Variants in VPS52 observed in about 807,000 individuals in gnomAD.
VPS52 encodes the protein vacuolar protein sorting-associated protein 52 homolog.
A neutral mutation model predicts 98.7 loss-of-function variants in VPS52; 56 were observed. That is an observed-to-expected ratio of 0.57 (90% CI 0.46 to 0.71). The LOEUF (loss-of-function observed/expected upper bound fraction) is 0.71, where lower values mean the gene tolerates loss of function less well. VPS52 is among the 30% of genes least tolerant of loss of function. The pLI is 0.00. For synonymous variants in VPS52, 348 were observed against 346.4 expected, an observed-to-expected ratio of 1.00 and a Z score of -0.05; for missense variants, 742 against 925.9, an observed-to-expected ratio of 0.80 and a Z score of 2.58.
intron 17 of VPS52, among the ~76,000 whole-genome samples, chr6:33,258,494 C>G (rs1261523008): frequency 2.8e-5 from 4 of 145,002 alleles, no homozygotes; most frequent in Admixed American, 2.0e-4. Flanking sequence ...AAGATACATA[C>G]TAAAAGATAA....
chr6:33,263,100 T>TAG (rs1763823188), intron 17 of VPS52, among the ~76,000 whole-genome samples: 1 of 151,172 alleles, frequency 6.6e-6, no homozygotes, highest in African/African-American at 2.4e-5. Flanking sequence ...TAAAATTCAT[T>TAG]CTAAAAATAA....
chr6:33,259,684 A>T (rs1269717706), intron 17 of VPS52, among the ~76,000 whole-genome samples: 1 of 152,162 alleles, frequency 6.6e-6, no homozygotes, highest in Non-Finnish European at 1.5e-5. Flanking sequence ...AACCAGTAAA[A>T]ATAATGCAAG....
At chr6:33,264,543 G>A in intron 13 of VPS52, 46 bp from the exon 14 acceptor site, 1 of 1,611,944 alleles carries the variant, frequency 6.2e-7, no homozygotes, top group South Asian at 1.1e-5. Context: ...AGGAATGTTG[G>A]AGGGGGATGG....
At chr6:33,263,340 A>G (rs1437412317) in intron 17 of VPS52, 144 bp downstream of exon 17, 4 of 677,390 alleles carry the variant, frequency 5.9e-6, no homozygotes, top group Non-Finnish European at 9.9e-6. Context: ...GTGAATCAAG[A>G]GTTACAGTAA....
intron 17 of VPS52, among the ~76,000 whole-genome samples, chr6:33,252,588 C>CAAAA (rs9280379): frequency 3.1e-5 from 3 of 96,158 alleles, no homozygotes; most frequent in Non-Finnish European, 4.2e-5. Context: ...GACTCCGTCT[C>CAAAA]AAAAAAAAAA....
At chr6:33,271,271 C>G in intron 1 of VPS52, 1 of 616,446 alleles carries the variant, frequency 1.6e-6, no homozygotes, top group Non-Finnish European at 2.9e-6. Flanking sequence ...CAAGGGCACA[C>G]AGCGTGTAAG....
intron 12 of VPS52, among the ~76,000 whole-genome samples, chr6:33,265,586 G>C (rs143758239): frequency 6.6e-6 from 1 of 152,182 alleles, no homozygotes; most frequent in African/African-American, 2.4e-5. Flanking sequence ...TGCCCAGGCT[G>C]GTCTCGAACT....
At chr6:33,260,250 A>C (rs1267157670) in intron 17 of VPS52, among the ~76,000 whole-genome samples, 1 of 152,132 alleles carries the variant, frequency 6.6e-6, no homozygotes, top group African/African-American at 2.4e-5. Flanking sequence ...CTACAATGTC[A>C]TGATCATGGC....
chr6:33,271,308 G>A, intron 1 of VPS52: 1 of 639,670 alleles, frequency 1.6e-6, no homozygotes, highest in Non-Finnish European at 2.8e-6. Flanking sequence ...CAGGCAGTCT[G>A]GCTTCAGAGG....
chr6:33,256,357 C>T (rs750858972), intron 17 of VPS52, among the ~76,000 whole-genome samples: 6 of 149,400 alleles, frequency 4.0e-5, no homozygotes, highest in African/African-American at 9.9e-5. Context: ...CCTAGCTACT[C>T]GGGAGGCTGA....
At chr6:33,259,019 A>C (rs1267098344) in intron 17 of VPS52, among the ~76,000 whole-genome samples, 1 of 152,210 alleles carries the variant, frequency 6.6e-6, no homozygotes, top group East Asian at 1.9e-4. Flanking sequence ...AATGAGGTAC[A>C]CTGACACACA....
At position 33,267,424 on chromosome 6, in the gene VPS52, T is replaced by G. The variant is rs1581614197; in HGVS notation, c.992-103A>C. The G allele has an allele frequency of 6.7e-7, 1 of 1,494,694 alleles. No homozygotes were observed. Among genetic ancestry groups the G allele is most frequent in the East Asian group, 2.3e-5 (1 of 43,302 alleles). 92.6% of individuals were successfully genotyped at this position (1,494,694 alleles called of 1,614,324 possible). On this transcript the variant is annotated intron_variant, in intron 10 of 19. Coordinates refer to ENST00000445902, the MANE Select transcript of VPS52 (RefSeq NM_022553.6). This position sits in a 1 kb window ranked among gnomAD's most constrained non-coding sequence, Gnocchi z 4.2. ...CAGGCAGACGTGGCCTAGCCAGCCC[T>G]CTTTCCCAGTACTAGGGCCCCACGT...
At chr6:33,254,820 G>A (rs184996956) in intron 17 of VPS52, 4 of 151,818 alleles carry the variant, frequency 2.6e-5, no homozygotes, top group Admixed American at 2.6e-4. Flanking sequence ...TAACAGGCAT[G>A]TGCCAACATG....
intron 17 of VPS52, among the ~76,000 whole-genome samples, chr6:33,257,041 A>AT (rs112238731): frequency 0.022 from 3,285 of 151,950 alleles, 125 homozygotes; most frequent in African/African-American, 0.074. Context: ...TTTTATTATT[A>AT]TTTTTTGAGA....
chr6:33,267,452 T>A lies in VPS52; in HGVS notation c.992-131A>T. On this transcript the variant is annotated intron_variant, in intron 10 of 19. Coordinates refer to ENST00000445902, the MANE Select transcript of VPS52 (RefSeq NM_022553.6). The surrounding 1 kb of genome is among the most constrained non-coding windows in gnomAD (Gnocchi z 4.2). ...TTCCCAGTACTAGGGCCCCACGTGC[T>A]GACATCTGTGAATGGGCTTCAGGGT... 7.1e-7 allele frequency: 1 copy of A among 1,407,194 alleles called. No homozygotes were observed. Among genetic ancestry groups the A allele is most frequent in the Non-Finnish European group, 9.6e-7 (1 of 1,043,908 alleles). The allele number at this position is 1,407,194 out of a possible 1,614,324, so 87.2% of individuals were successfully genotyped here.
chr6:33,251,642 A>G lies in VPS52; in HGVS notation c.1907-6T>C, dbSNP rs112296803. 3.1e-6 allele frequency: 5 copies of G among 1,606,576 alleles called. No individual in the cohort carries two copies. The South Asian group carries it at 5.5e-5, about 18-fold the overall frequency. On this transcript the variant is annotated splice_region_variant and splice_polypyrimidine_tract_variant and intron_variant, in intron 18 of 19. Transcript: ENST00000445902. ...GATCAGCTGAGTTACCCGGGCTAAT[A>G]GCAGGAGGAAACAGTGTCAGAGAGG...
Position 33,269,746 on chromosome 6 carries a change from T to C in VPS52, c.302A>G (p.Asp101Gly), listed in dbSNP as rs765068876. The change falls in exon 4 of 20, where the codon GAT becomes GGT. Residue 101 changes from aspartate (D) to glycine (G), a missense_variant and splice_region_variant. Transcript: ENST00000445902. ...LQQIEQKSIR[D>G]YIQESENIAS... is the part of the protein sequence containing the mutation. Reference sequence around the variant, plus strand: ...CCCTTCCCTCTGCTGGAGGATACAATCCCGAATGGATTTCTGTTCAATCTG... The same window carrying C: ...CCCTTCCCTCTGCTGGAGGATACAACCCCGAATGGATTTCTGTTCAATCTG... The C allele has an allele frequency of 1.4e-5, 23 of 1,613,562 alleles. No individual in the cohort carries two copies. Among genetic ancestry groups the C allele is most frequent in the Non-Finnish European group, 1.8e-5 (21 of 1,179,838 alleles).
Position 33,267,627 on chromosome 6 carries a change from C to T in VPS52, c.991+55G>A, listed in dbSNP as rs1764494282. On this transcript the variant is annotated intron_variant, in intron 10 of 19. Coordinates refer to ENST00000445902, the MANE Select transcript of VPS52 (RefSeq NM_022553.6). This position sits in a 1 kb window ranked among gnomAD's most constrained non-coding sequence, Gnocchi z 4.2. ...GGAGCAGTGCATTGGTGGCTGGAGT[C>T]GAAAGTCCTCCCACTCTCAAGGCCT... 8 of 1,600,426 alleles carry T rather than the reference C, an allele frequency of 5.0e-6. No individual in the cohort carries two copies. The highest frequency in any genetic ancestry group is 1.3e-5 in the African/African-American group (1 of 74,494).
chr6:33,259,707 C>T (rs931506726), intron 17 of VPS52, among the ~76,000 whole-genome samples: 7 of 151,280 alleles, frequency 4.6e-5, no homozygotes, highest in East Asian at 1.9e-4. Flanking sequence ...ATCCAAAATC[C>T]GAAAAAAATC....
Sources: allele counts gnomAD v4.1 joint callset (sites outside exome capture counted in the v4.1 genomes callset), GRCh38; gene constraint gnomAD v4.1.1; non-coding constraint Gnocchi (gnomAD v3.1); transcripts MANE v1.5; gene names NCBI Gene and HGNC (gene_info 2026-07-23, HGNC 2026-07-21).